The following AKAP11 variants were observed in gnomAD, a reference collection of about 807,000 sequenced individuals.
AKAP11 encodes the protein A-kinase anchoring protein 11, also known as A-kinase anchor protein 11.
Under a neutral mutation model 146.1 loss-of-function variants are expected in AKAP11, and 36 were observed. The ratio of observed to expected loss-of-function variants is 0.25; its 90% CI spans 0.19 to 0.33. The LOEUF (loss-of-function observed/expected upper bound fraction) is 0.33. Among genes scored for constraint, AKAP11 ranks in the 10% least tolerant of loss-of-function variants. The probability of loss-of-function intolerance (pLI) is 1.00; values close to 1 mark genes in which losing one functional copy is unlikely to be tolerated. For synonymous variants in AKAP11, 780 were observed against 786.5 expected (o/e 0.99, Z 0.14); for missense variants, 2,201 against 2,197.0 (o/e 1.00, Z -0.04).
chr13:42,302,783 C>T lies in AKAP11; in HGVS notation c.4037C>T (p.Ala1346Val). 2 of 1,613,990 alleles carry T rather than the reference C, an allele frequency of 1.2e-6. No individual in the cohort carries two copies. The highest frequency in any genetic ancestry group is 2.2e-5 in the South Asian group (2 of 91,054). ...PSCESVTDEY[A>V]GHLIQILKQE... The stretch of plus-strand genomic sequence containing the variant: ...TGTGAAAGTGTGACAGATGAATATG[C>T]AGGTCACCTTATTCAGATACTAAAA... The change falls in exon 8 of 13, where the codon GCA becomes GTA. Residue 1346 changes from alanine (A) to valine (V), a missense_variant. Around this residue, in one of 3 missense-constraint regions of AKAP11, gnomAD observed 1,867 missense variants for 1,833.5 expected, o/e 1.02. Coordinates refer to ENST00000025301, the MANE Select transcript of AKAP11 (RefSeq NM_016248.4).
chr13:42,290,626 C>T (rs1304545914), intron 3 of AKAP11, among the ~76,000 whole-genome samples: 2 of 152,136 alleles, frequency 1.3e-5, no homozygotes, highest in Non-Finnish European at 2.9e-5. Context: ...GCTCCTCTGA[C>T]TTTGTCTCTT....
At chr13:42,278,584 AT>A (rs1375240245) in intron 1 of AKAP11, among the ~76,000 whole-genome samples, 3 of 152,098 alleles carry the variant, frequency 2.0e-5, no homozygotes, top group Admixed American at 6.5e-5. Flanking sequence ...CCCCTGCCAC[AT>A]TTTTTATCCT....
Position 42,301,759 on chromosome 13 carries a change from G to A in AKAP11, c.3013G>A (p.Asp1005Asn), listed in dbSNP as rs138627318. The A allele has an allele frequency of 2.9e-5, 47 of 1,614,100 alleles. No individual in the cohort carries two copies. The highest frequency in any genetic ancestry group is 3.9e-5 in the Non-Finnish European group (46 of 1,180,004). The change falls in exon 8 of 13, where the codon GAT (aspartate) becomes AAT (asparagine). Residue 1005 changes from aspartate to asparagine, a missense_variant. By Grantham distance (23) the Asp-to-Asn change is conservative. Transcript: ENST00000025301. The part of the protein sequence containing the change: ...LTHCSLSAAK[D>N]CVPECKVSMV... ...TCACTGCTCACTTTCAGCTGCAAAG[G>A]ATTGTGTTCCAGAATGTAAAGTTTC... is the stretch of plus-strand genomic sequence containing the variant.
At chr13:42,276,129 G>A (rs1958911220) in intron 1 of AKAP11, among the ~76,000 whole-genome samples, 1 of 152,134 alleles carries the variant, frequency 6.6e-6, no homozygotes, top group Non-Finnish European at 1.5e-5. Context: ...TTCTTTCCCA[G>A]TCGCTGAGAC....
chr13:42,313,021 G>T (rs548955257), intron 9 of AKAP11, 26 bp from the exon 10 acceptor site: 8 of 1,590,834 alleles, frequency 5.0e-6, no homozygotes, highest in Non-Finnish European at 6.9e-6. Context: ...TTCTAGTTCA[G>T]CTCTGTTCTT....
rs1272509504 is a variant in AKAP11, at chr13:42,303,596, C to T, written c.4850C>T (p.Pro1617Leu). 8.1e-6 allele frequency: 13 copies of T among 1,614,046 alleles called. No homozygotes were observed. The highest frequency in any genetic ancestry group is 1.1e-5 in the Non-Finnish European group (13 of 1,180,022). ...CAGGGTTCTCTCGCCAGTAGTAAGCCAGCTTCTAATCCAAAATTTAGCAGC... is the reference window on the plus strand; with the variant it reads ...CAGGGTTCTCTCGCCAGTAGTAAGCTAGCTTCTAATCCAAAATTTAGCAGC... ...FRQGSLASSKPASNPKFSSRY... is the reference protein window; with the variant it reads ...FRQGSLASSKLASNPKFSSRY... Residue 1617 changes from proline (P) to leucine (L), a missense_variant, in exon 8 of 13, where the codon CCA becomes CTA. Pro to Leu is a moderately conservative substitution (Grantham distance 98). Transcript: ENST00000025301.
At chr13:42,317,487 T>C (rs758180066) in intron 11 of AKAP11, 41 bp from the exon 12 acceptor site, 189 of 1,563,674 alleles carry the variant, frequency 1.2e-4, no homozygotes, top group Non-Finnish European at 1.0e-4. Context: ...GAGAGTTAAA[T>C]TGATGAGTTT....
chr13:42,310,856 CA>C (rs34581714), intron 9 of AKAP11, among the ~76,000 whole-genome samples: 54,139 of 123,576 alleles, frequency 0.44, 10,149 homozygotes, highest in East Asian at 0.64. Flanking sequence ...CAGACTCCGT[CA>C]AAAAAAAAAA....
chr13:42,276,102 G>A (rs1958910409), intron 1 of AKAP11, among the ~76,000 whole-genome samples: 1 of 152,128 alleles, frequency 6.6e-6, no homozygotes, highest in South Asian at 2.1e-4. Context: ...CTTCATAGAT[G>A]CTCTCTTGAA....
At chr13:42,308,145 TGGTATCTCAG>T (rs1960365882) in intron 8 of AKAP11, among the ~76,000 whole-genome samples, 2 of 152,190 alleles carry the variant, frequency 1.3e-5, no homozygotes, top group African/African-American at 4.8e-5. Context: ...TACTGCCCCA[TGGTATCTCAG>T]TTGAAAAATG....
At chr13:42,315,258 G>A (rs1198926938) in intron 11 of AKAP11, among the ~76,000 whole-genome samples, 1 of 152,086 alleles carries the variant, frequency 6.6e-6, no homozygotes, top group Non-Finnish European at 1.5e-5. Context: ...TTATTTTTTA[G>A]TTTTAATGCC....
At position 42,300,145 on chromosome 13, in the gene AKAP11, T is replaced by G. The variant is rs146638553; in HGVS notation, c.1399T>G (p.Phe467Val). 8.1e-6 allele frequency: 13 copies of G among 1,613,852 alleles called. No homozygotes were observed. Among genetic ancestry groups the G allele is most frequent in the Non-Finnish European group, 1.1e-5 (13 of 1,179,868 alleles). ...TGGAGGCTGTACTCCAGCTGAATGTTTTTGCCAAACAGATATTGGTGGAGA... is the reference window on the plus strand; with the variant it reads ...TGGAGGCTGTACTCCAGCTGAATGTGTTTGCCAAACAGATATTGGTGGAGA... ...PLGGCTPAEC[F>V]CQTDIGGDRI... Residue 467 changes from phenylalanine (F) to valine (V), a missense_variant, in exon 8 of 13, where the codon TTT (phenylalanine) becomes GTT (valine). Physicochemically the swap from Phe to Val is conservative, Grantham distance 50. Around this residue, in one of 3 missense-constraint regions of AKAP11, gnomAD observed 1,867 missense variants for 1,833.5 expected, o/e 1.02. Coordinates refer to ENST00000025301, the MANE Select transcript of AKAP11 (RefSeq NM_016248.4).
upstream of AKAP11, among the ~76,000 whole-genome samples, chr13:42,271,885 C>G (rs1057289641): frequency 6.6e-6 from 1 of 151,654 alleles, no homozygotes; most frequent in Non-Finnish European, 1.5e-5. Flanking sequence ...GCGGGCTGCA[C>G]TGGAGCACGT....
chr13:42,282,049 A>G (rs1959074390), intron 1 of AKAP11, among the ~76,000 whole-genome samples: 1 of 150,438 alleles, frequency 6.6e-6, no homozygotes, highest in African/African-American at 2.4e-5. Context: ...GCTCACTGCA[A>G]CCTCCGTCTC....
intron 1 of AKAP11, among the ~76,000 whole-genome samples, chr13:42,285,138 A>G (rs1959141584): frequency 6.6e-6 from 1 of 152,236 alleles, no homozygotes; most frequent in South Asian, 2.1e-4. Flanking sequence ...GTTTTTGCGT[A>G]TAAATCTCCT....
At chr13:42,298,857 AT>A in intron 7 of AKAP11, 60 bp downstream of exon 7, 3 of 1,496,784 alleles carry the variant, frequency 2.0e-6, no homozygotes, top group Non-Finnish European at 1.8e-6. Flanking sequence ...AGTTTTGAAA[AT>A]TTTAAGGCAG....
chr13:42,322,419 G>A lies in AKAP11; in HGVS notation c.*3191G>A, dbSNP rs1961124915. 1 of 152,226 alleles carries A rather than the reference G, an allele frequency of 6.6e-6. No individual in the cohort carries two copies. 9.4% of individuals were successfully genotyped at this position (152,226 alleles called of 1,614,324 possible). A position where few individuals can be genotyped will look rare whatever the true frequency, so the allele number is the denominator to read the frequency against. On this transcript the variant is annotated 3_prime_UTR_variant, in exon 13 of 13. Transcript: ENST00000025301. ...TCTTCAACAGAGTCCAGATTTAAAT[G>A]TCTACTTAGTTAATTAGTTAGCTGA... is the stretch of plus-strand genomic sequence containing the variant.
In AKAP11 at chr13:42,302,441, G is replaced by A; in HGVS notation, c.3695G>A (p.Cys1232Tyr). 5 of 1,614,142 alleles carry A rather than the reference G, an allele frequency of 3.1e-6. No homozygotes were observed. Among genetic ancestry groups the A allele is most frequent in the Non-Finnish European group, 4.2e-6 (5 of 1,180,014 alleles). The change falls in exon 8 of 13, where the codon TGC becomes TAC. Residue 1232 changes from cysteine to tyrosine, a missense_variant. Physicochemically the swap from Cys to Tyr is radical, Grantham distance 194. Coordinates refer to ENST00000025301, the MANE Select transcript of AKAP11 (RefSeq NM_016248.4). ...CAAGAACCCAAGGTTAAAAACCCTT[G>A]CTTAAATGTGCAAAGTCAAAGAAGT... Reference protein sequence around the residue: ...IIQEPKVKNPCLNVQSQRSVS... With the variant: ...IIQEPKVKNPYLNVQSQRSVS...
Position 42,298,619 on chromosome 13 carries a change from T to C in AKAP11, c.438T>C (p.Ser146=). ...LRIDFIFSLL[S]KYATGIRYTL... The stretch of plus-strand genomic sequence containing the variant: ...TTGATTTTATCTTTAGTCTCCTAAG[T>C]AAATATGCTACTGGTATAAGGTACA... The change falls in exon 7 of 13, where the codon AGT becomes AGC. Residue 146 remains serine (S), a synonymous_variant. Transcript: ENST00000025301. The C allele has an allele frequency of 6.2e-7, 1 of 1,612,450 alleles. No individual in the cohort carries two copies. Among genetic ancestry groups the C allele is most frequent in the South Asian group, 1.1e-5 (1 of 90,770 alleles).
Sources: gnomAD v4.1 joint callset for allele counts (sites outside exome capture counted in the v4.1 genomes callset) on GRCh38, gnomAD v4.1.1 for gene constraint, gnomAD v4.1.1 regional missense constraint, MANE v1.5 for transcripts, NCBI Gene and HGNC (gene_info 2026-07-23, HGNC 2026-07-21) for gene names.